Variants in TCF12 observed in about 807,000 individuals in gnomAD.
TCF12 encodes the protein transcription factor 12.
In TCF12, 45 loss-of-function variants were observed where a neutral mutation model predicts 86.0. The ratio of observed to expected loss-of-function variants is 0.52; its 90% CI spans 0.41 to 0.67. The LOEUF is 0.67. Among genes scored for constraint, TCF12 ranks in the 30% least tolerant of loss-of-function variants. The pLI, the probability that TCF12 is intolerant of heterozygous loss-of-function variation, is 0.00. For missense variants in TCF12, 881 were observed against 859.9 expected (o/e 1.02, Z -0.31); for synonymous variants, 330 against 299.6 (o/e 1.10, Z -1.05).
chr15:57,169,163 C>T (rs113345485), intron 6 of TCF12, among the ~76,000 whole-genome samples: 61 of 152,274 alleles, frequency 4.0e-4, no homozygotes, highest in African/African-American at 1.4e-3. Flanking sequence ...TGCAAACTGC[C>T]TCTGTGACAT....
chr15:56,989,103 G>C (rs1308438065), intron 3 of TCF12, among the ~76,000 whole-genome samples: 1 of 151,982 alleles, frequency 6.6e-6, no homozygotes, highest in African/African-American at 2.4e-5. Context: ...TGATTTCCTA[G>C]CTTTTTTCTC....
chr15:57,195,728 G>T (rs2057228846), intron 7 of TCF12, among the ~76,000 whole-genome samples: 1 of 152,222 alleles, frequency 6.6e-6, no homozygotes, highest in South Asian at 2.1e-4. Flanking sequence ...CTGGGGCCGG[G>T]CATGGTGGCT....
rs1416248472 is a variant in TCF12, at chr15:56,970,502, A to C, written c.148+49404A>C. On this transcript the variant is annotated intron_variant, in intron 3 of 20. Transcript: ENST00000333725. Reference sequence around the variant, plus strand: ...CTCAAAAAAAAAAAAAAAAAAAAAAACAAGATTACTATCTTTGGCCCATTA... The same window carrying C: ...CTCAAAAAAAAAAAAAAAAAAAAAACCAAGATTACTATCTTTGGCCCATTA... Among the ~76,000 whole-genome samples, 4 of 129,548 alleles carry C rather than the reference A, an allele frequency of 3.1e-5. No individual in the cohort carries two copies. The South Asian group carries it at 7.7e-4, about 25-fold the overall frequency. 85.0% of individuals were successfully genotyped at this position (129,548 alleles called of 152,430 possible). A position where few individuals can be genotyped will look rare whatever the true frequency, so the allele number is the denominator to read the frequency against.
intron 3 of TCF12, among the ~76,000 whole-genome samples, chr15:57,029,549 A>G (rs1365961822): frequency 2.0e-5 from 3 of 152,198 alleles, no homozygotes; most frequent in Non-Finnish European, 4.4e-5. Context: ...GTACTACGCT[A>G]TATGGGTTGT....
chr15:57,259,848 G>T (rs2060509548), intron 16 of TCF12, among the ~76,000 whole-genome samples: 1 of 152,184 alleles, frequency 6.6e-6, no homozygotes, highest in South Asian at 2.1e-4. Context: ...ATTTGAATGT[G>T]GAGCTGCGGA....
intron 3 of TCF12, among the ~76,000 whole-genome samples, chr15:57,058,173 C>T (rs1228081866): frequency 1.3e-5 from 2 of 152,132 alleles, no homozygotes; most frequent in Non-Finnish European, 2.9e-5. Context: ...CCCCTGGGAA[C>T]GTATTACTTT....
intron 5 of TCF12, among the ~76,000 whole-genome samples, chr15:57,120,412 G>GAT (rs1354838688): frequency 6.6e-6 from 1 of 152,234 alleles, no homozygotes; most frequent in East Asian, 1.9e-4. Flanking sequence ...TCCAATATCT[G>GAT]ATATATATCA....
intron 13 of TCF12, among the ~76,000 whole-genome samples, chr15:57,249,744 C>A (rs1257194562): frequency 1.3e-5 from 2 of 152,130 alleles, no homozygotes; most frequent in Non-Finnish European, 2.9e-5. Flanking sequence ...TAGTGTGAGA[C>A]AAATTAAACC....
chr15:56,968,955 C>T (rs769254623), intron 3 of TCF12, among the ~76,000 whole-genome samples: 4 of 152,086 alleles, frequency 2.6e-5, no homozygotes, highest in Non-Finnish European at 4.4e-5. Flanking sequence ...TCTTTTGAGT[C>T]CTTGGTTAGC....
intron 8 of TCF12, among the ~76,000 whole-genome samples, chr15:57,203,621 C>G (rs1323401621): frequency 1.3e-5 from 2 of 152,162 alleles, no homozygotes; most frequent in Non-Finnish European, 2.9e-5. Flanking sequence ...TGTTTGCAGT[C>G]CCGTACGTAG....
chr15:57,154,231 C>G (rs896761198), intron 5 of TCF12, among the ~76,000 whole-genome samples: 1 of 152,096 alleles, frequency 6.6e-6, no homozygotes. Context: ...AGAATAGGGT[C>G]TTCGCTAGAT....
chr15:57,177,188 G>A (rs1174641310), intron 6 of TCF12, among the ~76,000 whole-genome samples: 1 of 151,974 alleles, frequency 6.6e-6, no homozygotes. Flanking sequence ...TGTGCATTTT[G>A]TGGGTTGTTT....
intron 3 of TCF12, among the ~76,000 whole-genome samples, chr15:57,060,965 T>C (rs1053433234): frequency 3.9e-5 from 6 of 152,226 alleles, no homozygotes; most frequent in African/African-American, 1.2e-4. Flanking sequence ...CCACGACCTT[T>C]TACTCAGAGT....
intron 19 of TCF12, among the ~76,000 whole-genome samples, chr15:57,278,898 G>A (rs1178599960): frequency 7.5e-6 from 1 of 132,766 alleles, no homozygotes; most frequent in Non-Finnish European, 1.6e-5. Context: ...CTTTATTTCT[G>A]TCTTTGTTTC....
At chr15:57,170,684 TATATAA>T (rs1567558137) in intron 6 of TCF12, among the ~76,000 whole-genome samples, 2 of 10,390 alleles carry the variant, frequency 1.9e-4, no homozygotes, top group African/African-American at 1.1e-3. Flanking sequence ...TAATATATTA[TATATAA>T]TATATATTAT....
Position 57,192,298 on chromosome 15 carries a change from G to T in TCF12, c.526+5G>T, listed in dbSNP as rs747832791. On this transcript the variant is annotated splice_donor_5th_base_variant and intron_variant, in intron 7 of 20. Coordinates refer to ENST00000333725, the MANE Select transcript of TCF12 (RefSeq NM_207037.2). ...TCCATGACTCTGCAGCGCTTGGTGAGTGTATCACACAACAAATCCCATCCC... is the reference window on the plus strand; with the variant it reads ...TCCATGACTCTGCAGCGCTTGGTGATTGTATCACACAACAAATCCCATCCC... 2 of 1,613,340 alleles carry T rather than the reference G, an allele frequency of 1.2e-6. No individual in the cohort carries two copies. Among genetic ancestry groups the T allele is most frequent in the Non-Finnish European group, 1.7e-6 (2 of 1,179,722 alleles).
chr15:57,107,558 A>C (rs553198563), intron 5 of TCF12, among the ~76,000 whole-genome samples: 19 of 152,198 alleles, frequency 1.2e-4, no homozygotes, highest in African/African-American at 4.1e-4. Context: ...ACCCTAATGT[A>C]AACTATGAAC....
At chr15:56,920,441 T>G (rs1381455228) in intron 2 of TCF12, among the ~76,000 whole-genome samples, 1 of 151,734 alleles carries the variant, frequency 6.6e-6, no homozygotes, top group Non-Finnish European at 1.5e-5. Context: ...GAGCTAGAAT[T>G]TCGAGCCTTC....
chr15:57,025,077 C>T (rs1310594367), intron 3 of TCF12, among the ~76,000 whole-genome samples: 5 of 146,238 alleles, frequency 3.4e-5, no homozygotes, highest in African/African-American at 1.2e-4. Context: ...TGTGTCCCCG[C>T]TACCTTTTTT....
Sources: allele counts gnomAD v4.1 joint callset (sites outside exome capture counted in the v4.1 genomes callset), GRCh38; gene constraint gnomAD v4.1.1; transcripts MANE v1.5; gene names NCBI Gene and HGNC (gene_info 2026-07-23, HGNC 2026-07-21).